The following SIAH3 variants were observed in gnomAD, a reference collection of about 807,000 sequenced individuals.
SIAH3 encodes the protein siah E3 ubiquitin protein ligase family member 3, also known as seven in absentia homolog 3.
Under a neutral mutation model 12.6 loss-of-function variants are expected in SIAH3, and 9 were observed. That is an observed-to-expected ratio of 0.72 (90% CI 0.43 to 1.25). SIAH3 has a LOEUF of 1.25. SIAH3 is among the 50% of genes most tolerant of loss of function. SIAH3 has a pLI of 0.00. For synonymous variants in SIAH3, 154 were observed against 151.1 expected (o/e 1.02, Z -0.14); for missense variants, 390 against 365.4 (o/e 1.07, Z -0.55).
chr13:45,825,568 C>A (rs1321937881), intron 1 of SIAH3, among the ~76,000 whole-genome samples: 1 of 152,154 alleles, frequency 6.6e-6, no homozygotes, highest in Non-Finnish European at 1.5e-5. Context: ...AGTAGTCTTC[C>A]TGAGGATCCA....
intron 1 of SIAH3, among the ~76,000 whole-genome samples, chr13:45,810,362 T>C (rs567002448): frequency 6.6e-5 from 10 of 152,314 alleles, no homozygotes; most frequent in Admixed American, 5.2e-4. Context: ...ATCTTGACTC[T>C]TGTGTGTGTG....
At chr13:45,793,321 A>G (rs566469128) in intron 1 of SIAH3, among the ~76,000 whole-genome samples, 1 of 152,322 alleles carries the variant, frequency 6.6e-6, no homozygotes, top group Admixed American at 6.5e-5. Flanking sequence ...GCCACATGCC[A>G]TCCTTGTTTC....
At chr13:45,848,948 A>G (rs1194077125) in intron 1 of SIAH3, among the ~76,000 whole-genome samples, 1 of 152,226 alleles carries the variant, frequency 6.6e-6, no homozygotes, top group African/African-American at 2.4e-5. Flanking sequence ...ATTACGTCCA[A>G]GGCATATTTC....
rs1467696052 is a variant in SIAH3 at position 45,780,431 on chromosome 13, C to A, written c.*2952G>T. On this transcript the variant is annotated 3_prime_UTR_variant, in exon 2 of 2. Coordinates refer to ENST00000400405, the MANE Select transcript of SIAH3 (RefSeq NM_198849.3). Reference sequence around the variant, plus strand: ...GACTATAGGCTTGTGTCACCATGCCCAGCTGATTTTTTTTTTTGTAGAAAT... The same window carrying A: ...GACTATAGGCTTGTGTCACCATGCCAAGCTGATTTTTTTTTTTGTAGAAAT... 6.7e-6 allele frequency: 1 copy of A among 149,514 alleles called. No individual in the cohort carries two copies. Among genetic ancestry groups the A allele is most frequent in the Non-Finnish European group, 1.5e-5 (1 of 67,902 alleles). The allele number at this position is 149,514 out of a possible 1,614,324, so 9.3% of individuals were successfully genotyped here. A position where few individuals can be genotyped will look rare whatever the true frequency, so the allele number is the denominator to read the frequency against.
At chr13:45,799,810 A>T (rs1276396499) in intron 1 of SIAH3, among the ~76,000 whole-genome samples, 2 of 152,204 alleles carry the variant, frequency 1.3e-5, no homozygotes, top group Non-Finnish European at 1.5e-5. Flanking sequence ...CAGCTTGCTC[A>T]TTTAGTTAGC....
Position 45,783,971 on chromosome 13 carries a change from G to A in SIAH3, c.222C>T (p.His74=). The A allele has an allele frequency of 5.0e-6, 8 of 1,605,054 alleles. No homozygotes were observed. The highest frequency in any genetic ancestry group is 6.8e-6 in the Non-Finnish European group (8 of 1,176,372). Residue 74 remains histidine, a synonymous_variant, in exon 2 of 2, where the codon CAC becomes CAT. Transcript: ENST00000400405. ...HPHHLSHHHC[H]HRHHHHLRHH... is the part of the protein sequence containing the mutation. Reference sequence around the variant, plus strand: ...GGCGGAGGTGGTGGTGGTGGCGGTGGTGGCAGTGGTGGTGGGAGAGATGGT... The same window carrying A: ...GGCGGAGGTGGTGGTGGTGGCGGTGATGGCAGTGGTGGTGGGAGAGATGGT...
intron 1 of SIAH3, among the ~76,000 whole-genome samples, chr13:45,845,885 G>A (rs114065447): frequency 0.02 from 3,096 of 151,960 alleles, 116 homozygotes; most frequent in African/African-American, 0.069. Flanking sequence ...TGTGGTAAAG[G>A]GGAGATGGTA....
chr13:45,786,122 T>G (rs139822272), intron 1 of SIAH3, among the ~76,000 whole-genome samples: 1,785 of 151,484 alleles, frequency 0.012, 12 homozygotes, highest in Middle Eastern at 0.037. Context: ...GTCGGGGGGG[T>G]TTCTCCCCTC....
At chr13:45,807,800 G>C (rs1208553563) in intron 1 of SIAH3, among the ~76,000 whole-genome samples, 1 of 152,182 alleles carries the variant, frequency 6.6e-6, no homozygotes, top group Non-Finnish European at 1.5e-5. Context: ...CATATGCCCA[G>C]TAGTGTATTA....
rs779347150 is a variant in SIAH3, at chr13:45,783,770, G to T, written c.423C>A (p.Ile141=). ...HRVDILQGAE[I]VFLATDMHLP... ...GGTGCATGTCCGTGGCCAGGAAGAC[G>T]ATCTCGGCTCCCTGGAGGATGTCAA... is the stretch of plus-strand genomic sequence containing the variant. The change falls in exon 2 of 2, where the codon ATC becomes ATA. Residue 141 remains isoleucine, a synonymous_variant. Coordinates refer to ENST00000400405, the MANE Select transcript of SIAH3 (RefSeq NM_198849.3). 2 of 1,614,216 alleles carry T rather than the reference G, an allele frequency of 1.2e-6. No homozygotes were observed. Among genetic ancestry groups the T allele is most frequent in the Non-Finnish European group, 1.7e-6 (2 of 1,180,036 alleles).
chr13:45,828,237 C>T (rs1950685796), intron 1 of SIAH3, among the ~76,000 whole-genome samples: 1 of 152,216 alleles, frequency 6.6e-6, no homozygotes, highest in Non-Finnish European at 1.5e-5. Context: ...TGCCCTTCTC[C>T]TCTTGAGTAT....
chr13:45,783,873 C>T lies in SIAH3; in HGVS notation c.320G>A (p.Cys107Tyr), dbSNP rs1294606740. The change falls in exon 2 of 2, where the codon TGC becomes TAC. Residue 107 changes from cysteine to tyrosine, a missense_variant. By Grantham distance (194) the Cys-to-Tyr change is radical (BLOSUM62 -2). Transcript: ENST00000400405. ...LHANPVTPCLCMCPLFSCQWE... is the reference protein window; with the variant it reads ...LHANPVTPCLYMCPLFSCQWE... ...CTGGCAGGAGAACAAGGGACACATGCACAGGCAGGGCGTCACCGGGTTGGC... is the reference window on the plus strand; with the variant it reads ...CTGGCAGGAGAACAAGGGACACATGTACAGGCAGGGCGTCACCGGGTTGGC... 1 of 1,613,710 alleles carries T rather than the reference C, an allele frequency of 6.2e-7. No individual in the cohort carries two copies. Among genetic ancestry groups the T allele is most frequent in the African/African-American group, 1.3e-5 (1 of 75,046 alleles).
At position 45,783,933 on chromosome 13, in the gene SIAH3, GGGTGGGCGTGGTGGCGGA is replaced by G; in HGVS notation, c.242_259del (p.Leu81_His86del). ...CGCCTCCTGGTGGTGAAGGTGGTGG[GGGTGGGCGTGGTGGCGGA>G]GGTGGTGGTGGTGGCGGTGGTGGCA... On this transcript the variant is annotated inframe_deletion, in exon 2 of 2. Coordinates refer to ENST00000400405, the MANE Select transcript of SIAH3 (RefSeq NM_198849.3). 6.2e-7 allele frequency: 1 copy of G among 1,608,870 alleles called. No homozygotes were observed. The highest frequency in any genetic ancestry group is 1.1e-5 in the South Asian group (1 of 89,948).
At chr13:45,839,297 G>C (rs1950730756) in intron 1 of SIAH3, among the ~76,000 whole-genome samples, 1 of 151,654 alleles carries the variant, frequency 6.6e-6, no homozygotes, top group South Asian at 2.1e-4. Flanking sequence ...TGCTTAGAGA[G>C]CATTTGCATT....
At chr13:45,835,617 A>G (rs1950715037) in intron 1 of SIAH3, among the ~76,000 whole-genome samples, 1 of 152,208 alleles carries the variant, frequency 6.6e-6, no homozygotes, top group African/African-American at 2.4e-5. Flanking sequence ...CCAAAGTCAC[A>G]TGGCTGGCAG....
chr13:45,823,484 C>T (rs1188836088), intron 1 of SIAH3, among the ~76,000 whole-genome samples: 1 of 152,204 alleles, frequency 6.6e-6, no homozygotes, highest in Non-Finnish European at 1.5e-5. Flanking sequence ...TCTCAGTCTA[C>T]TTCTGGAGTT....
chr13:45,848,877 G>A (rs1950769500), intron 1 of SIAH3, among the ~76,000 whole-genome samples: 1 of 152,128 alleles, frequency 6.6e-6, no homozygotes, highest in Admixed American at 6.5e-5. Context: ...ACTGCCACAG[G>A]TTTTATTTTT....
intron 1 of SIAH3, among the ~76,000 whole-genome samples, chr13:45,850,865 T>A (rs1680915235): frequency 6.7e-6 from 1 of 149,666 alleles, no homozygotes; most frequent in Non-Finnish European, 1.5e-5. Flanking sequence ...CCTGCTCCAG[T>A]ACACAGAGCG....
chr13:45,787,595 C>T (rs377398193), intron 1 of SIAH3, among the ~76,000 whole-genome samples: 4 of 152,132 alleles, frequency 2.6e-5, no homozygotes, highest in African/African-American at 9.7e-5. Context: ...GGGAAAAGAG[C>T]AGGTTTGAAG....
Sources: gnomAD v4.1 joint callset for allele counts (sites outside exome capture counted in the v4.1 genomes callset) on GRCh38, gnomAD v4.1.1 for gene constraint, MANE v1.5 for transcripts, NCBI Gene and HGNC (gene_info 2026-07-23, HGNC 2026-07-21) for gene names.